The following RB1 variants were observed in gnomAD, a reference collection of about 807,000 sequenced individuals.
RB1 encodes the protein RB transcriptional corepressor 1.
RB1 carries 18 observed loss-of-function variants against 135.4 expected under a neutral mutation model. The observed-to-expected ratio is 0.13, with a 90% CI of 0.09 to 0.20. RB1 has a LOEUF of 0.20. Among genes scored for constraint, RB1 ranks in the 10% least tolerant of loss-of-function variants. The pLI is 1.00. For missense variants in RB1, 868 were observed against 1,110.0 expected, an observed-to-expected ratio of 0.78 and a Z score of 3.10; for synonymous variants, 365 against 373.2, an observed-to-expected ratio of 0.98 and a Z score of 0.25.
rs565592602 is a variant in RB1 at position 48,447,957 on chromosome 13, C to T, written c.1696-5036C>T. 7.9e-5 allele frequency among the ~76,000 whole-genome samples: 12 copies of T among 152,252 alleles called. No individual in the cohort carries two copies. The East Asian group carries it at 1.2e-3, about 15-fold the overall frequency. On this transcript the variant is annotated intron_variant, in intron 17 of 26. Transcript: ENST00000267163. ...AGCACAACTAGATTTTATCTCATAT[C>T]TGAAAGGTATCTAAAATATCTAATT... is the stretch of plus-strand genomic sequence containing the variant.
chr13:48,387,628 G>T (rs959837723), intron 17 of RB1, among the ~76,000 whole-genome samples: 42 of 151,960 alleles, frequency 2.8e-4, no homozygotes, highest in African/African-American at 9.9e-4. Context: ...ACTCATTATT[G>T]TAGTCAATTT....
chr13:48,362,805 A>G lies in RB1; in HGVS notation c.719-10A>G, dbSNP rs2138112023. 1.2e-6 allele frequency: 2 copies of G among 1,612,780 alleles called. No homozygotes were observed. The highest frequency in any genetic ancestry group is 1.7e-6 in the Non-Finnish European group (2 of 1,178,924). ...TACAATTGTTCTTATCTAATTTACCACTTTTACAGAAACAGCTGTTATACC... is the reference window on the plus strand; with the variant it reads ...TACAATTGTTCTTATCTAATTTACCGCTTTTACAGAAACAGCTGTTATACC... On this transcript the variant is annotated splice_polypyrimidine_tract_variant and intron_variant, in intron 7 of 26. Coordinates refer to ENST00000267163, the MANE Select transcript of RB1 (RefSeq NM_000321.3).
intron 19 of RB1, among the ~76,000 whole-genome samples, chr13:48,458,217 T>G (rs1251245380): frequency 1.3e-5 from 2 of 152,210 alleles, no homozygotes; most frequent in Non-Finnish European, 2.9e-5. Context: ...TGTTGCCTAC[T>G]GCAGACACAT....
chr13:48,318,167 A>G (rs1283289287), intron 2 of RB1: 3 of 532,666 alleles, frequency 5.6e-6, no homozygotes, highest in Non-Finnish European at 1.0e-5. Flanking sequence ...TCTCTGCCAT[A>G]CTGCCACAGA....
intron 17 of RB1, chr13:48,391,420 C>T (rs1223377310): frequency 2.0e-5 from 3 of 152,048 alleles, no homozygotes; most frequent in Non-Finnish European, 4.4e-5. Context: ...CTCTTCATTC[C>T]TTGTGTAGAT....
intron 17 of RB1, chr13:48,411,573 C>T (rs1230029466): frequency 6.2e-7 from 1 of 1,613,454 alleles, no homozygotes; most frequent in African/African-American, 1.3e-5. Context: ...GTCAAAACAA[C>T]AGTTGGAAAC....
intron 13 of RB1, 132 bp from the exon 14 acceptor site, chr13:48,379,462 A>C (rs1410632319): frequency 8.5e-6 from 10 of 1,177,610 alleles, no homozygotes; most frequent in Non-Finnish European, 1.1e-5. Flanking sequence ...AAGCAGGAGG[A>C]TCTCTTGAGC....
chr13:48,369,857 T>A (rs1473205136), intron 11 of RB1, among the ~76,000 whole-genome samples: 1 of 152,222 alleles, frequency 6.6e-6, no homozygotes, highest in South Asian at 2.1e-4. Flanking sequence ...TCCCAATTTA[T>A]ATTGATAGAT....
chr13:48,333,125 G>C (rs1281298069), intron 2 of RB1: 3 of 397,884 alleles, frequency 7.5e-6, no homozygotes, highest in Non-Finnish European at 1.3e-5. Flanking sequence ...TTATTGTATA[G>C]ATGTATCAAA....
At chr13:48,328,550 T>G in intron 2 of RB1, 1 of 721,296 alleles carries the variant, frequency 1.4e-6, no homozygotes, top group South Asian at 1.5e-5. Context: ...TCTCCCGCCT[T>G]CCCATCAGCC....
chr13:48,352,368 GT>G (rs201652377), intron 6 of RB1, among the ~76,000 whole-genome samples: 9,267 of 145,084 alleles, frequency 0.064, 663 homozygotes, highest in African/African-American at 0.17. Context: ...TTTTAAAATA[GT>G]TTTTTTTTTT....
At chr13:48,306,847 A>G (rs1041202403) in intron 1 of RB1, among the ~76,000 whole-genome samples, 2 of 152,368 alleles carry the variant, frequency 1.3e-5, no homozygotes, top group Non-Finnish European at 2.9e-5. Context: ...ATGTGCTAGT[A>G]GGTAGAGAGA....
chr13:48,412,114 T>C, intron 17 of RB1: 1 of 1,613,602 alleles, frequency 6.2e-7, no homozygotes. Context: ...AAGAACAGAA[T>C]GCTTCCGTAC....
Position 48,437,903 on chromosome 13 carries a change from G to A in RB1, c.1696-15090G>A, listed in dbSNP as rs1003295688. Among the ~76,000 whole-genome samples the A allele has an allele frequency of 3.3e-5, 5 of 152,256 alleles. No individual in the cohort carries two copies. In the East Asian group the frequency reaches 9.6e-4, roughly 29 times the overall value. ...ATTGGGGTGATCTTGGAGGCTGGCTGCCATAGTTATGACTTAGTGTCAATT... is the reference window on the plus strand; with the variant it reads ...ATTGGGGTGATCTTGGAGGCTGGCTACCATAGTTATGACTTAGTGTCAATT... On this transcript the variant is annotated intron_variant, in intron 17 of 26. Coordinates refer to ENST00000267163, the MANE Select transcript of RB1 (RefSeq NM_000321.3).
intron 17 of RB1, among the ~76,000 whole-genome samples, chr13:48,432,903 T>C (rs551214291): frequency 2.0e-5 from 3 of 152,296 alleles, no homozygotes; most frequent in Non-Finnish European, 2.9e-5. Flanking sequence ...ATCTGCTGTT[T>C]ATGATTTTCC....
chr13:48,394,496 C>G (rs1288699099), intron 17 of RB1, among the ~76,000 whole-genome samples: 1 of 152,186 alleles, frequency 6.6e-6, no homozygotes, highest in Non-Finnish European at 1.5e-5. Flanking sequence ...AAGCTAAGAT[C>G]CACTGGCTTG....
chr13:48,401,009 C>T (rs1000288037), intron 17 of RB1, among the ~76,000 whole-genome samples: 5 of 152,062 alleles, frequency 3.3e-5, no homozygotes, highest in Admixed American at 2.0e-4. Flanking sequence ...CATGGGACTC[C>T]AGCATTGTTA....
chr13:48,466,456 G>GA (rs1274209517), intron 23 of RB1, among the ~76,000 whole-genome samples: 22 of 145,368 alleles, frequency 1.5e-4, no homozygotes, highest in African/African-American at 5.0e-4. Flanking sequence ...CAAAGATGGG[G>GA]AAAAAACAGA....
chr13:48,363,744 T>G (rs1760240983), intron 8 of RB1, among the ~76,000 whole-genome samples: 2 of 152,218 alleles, frequency 1.3e-5, no homozygotes, highest in Non-Finnish European at 2.9e-5. Flanking sequence ...TTACTTGTCT[T>G]GTTCATAGAA....
Sources: gnomAD v4.1 joint callset for allele counts (sites outside exome capture counted in the v4.1 genomes callset) on GRCh38, gnomAD v4.1.1 for gene constraint, MANE v1.5 for transcripts, NCBI Gene and HGNC (gene_info 2026-07-23, HGNC 2026-07-21) for gene names.